NPAS3: variants seen among roughly 807,000 people sequenced by gnomAD.
NPAS3 encodes neuronal PAS domain-containing protein 3.
Under a neutral mutation model 73.1 loss-of-function variants are expected in NPAS3, and 14 were observed. The observed-to-expected ratio is 0.19, with a 90% CI of 0.13 to 0.30. The LOEUF is 0.30. Ranked by LOEUF, NPAS3 falls within the 10% of genes least tolerant of loss-of-function variation. The probability of loss-of-function intolerance (pLI) is 1.00; values close to 1 mark genes in which losing one functional copy is unlikely to be tolerated. For synonymous variants in NPAS3, 620 were observed against 541.5 expected, an observed-to-expected ratio of 1.14 and a Z score of -2.01; for missense variants, 1,096 against 1,250.0, an observed-to-expected ratio of 0.88 and a Z score of 1.86.
At chr14:33,215,042 C>T (rs1367672020) in intron 2 of NPAS3, 140 bp from the exon 3 acceptor site, 4 of 853,472 alleles carry the variant, frequency 4.7e-6, no homozygotes, top group African/African-American at 1.7e-5. Flanking sequence ...TTCTGGAACT[C>T]ATTTTACTGT....
chr14:33,690,871 T>TAAA (rs11361786), intron 6 of NPAS3, among the ~76,000 whole-genome samples: 1,488 of 142,168 alleles, frequency 0.01, 27 homozygotes, highest in African/African-American at 0.026. Context: ...TAAAATTTGT[T>TAAA]AAAAAAAAAA....
chr14:33,394,650 T>TAGCAGGA (rs1384409061), intron 4 of NPAS3, among the ~76,000 whole-genome samples: 1 of 152,192 alleles, frequency 6.6e-6, no homozygotes, highest in Admixed American at 6.6e-5. Flanking sequence ...TGTATCATTT[T>TAGCAGGA]TCCATATTTA....
chr14:33,522,683 G>A (rs1033741473), intron 4 of NPAS3, among the ~76,000 whole-genome samples: 17 of 152,034 alleles, frequency 1.1e-4, no homozygotes, highest in African/African-American at 3.9e-4. Context: ...CAAAAATAAT[G>A]AGAAAAATAA....
chr14:33,610,651 T>A (rs568017459), intron 5 of NPAS3, among the ~76,000 whole-genome samples: 1 of 152,248 alleles, frequency 6.6e-6, no homozygotes, highest in African/African-American at 2.4e-5. Flanking sequence ...AAAATAGCAA[T>A]GTAGCTTCAA....
exon 7 of NPAS3, chr14:33,735,227 C>T (rs1417255825): frequency 1.9e-6 from 3 of 1,612,994 alleles, no homozygotes; most frequent in Non-Finnish European, 2.5e-6. Flanking sequence ...AGTCAACCAG[C>T]CCCAGTCTGC....
intron 7 of NPAS3, among the ~76,000 whole-genome samples, chr14:33,739,050 T>C (rs999536377): frequency 2.0e-5 from 3 of 152,194 alleles, no homozygotes; most frequent in African/African-American, 7.2e-5. Flanking sequence ...TTCCGAAGTA[T>C]TTATCCACAC....
At chr14:33,480,315 A>C (rs553938964) in intron 4 of NPAS3, among the ~76,000 whole-genome samples, 1 of 152,210 alleles carries the variant, frequency 6.6e-6, no homozygotes, top group African/African-American at 2.4e-5. Context: ...ATATACAACT[A>C]TAACTACAGA....
At chr14:33,637,451 G>C (rs967691716) in intron 5 of NPAS3, among the ~76,000 whole-genome samples, 19 of 152,108 alleles carry the variant, frequency 1.2e-4, no homozygotes, top group African/African-American at 4.1e-4. Context: ...TGTTGAACAG[G>C]TGATCAGAAG....
chr14:33,459,204 C>G (rs1272829528), intron 4 of NPAS3, among the ~76,000 whole-genome samples: 1 of 152,188 alleles, frequency 6.6e-6, no homozygotes, highest in South Asian at 2.1e-4. Context: ...GGCTTCTTCA[C>G]TGACCTGTAT....
intron 5 of NPAS3, among the ~76,000 whole-genome samples, chr14:33,599,595 C>T (rs2057342606): frequency 6.6e-6 from 1 of 152,088 alleles, no homozygotes; most frequent in South Asian, 2.1e-4. Context: ...CTGCATAATT[C>T]CCTTCTACTG....
intron 3 of NPAS3, among the ~76,000 whole-genome samples, chr14:33,267,839 C>A (rs886805764): frequency 6.6e-6 from 1 of 152,094 alleles, no homozygotes; most frequent in South Asian, 2.1e-4. Context: ...GGAGTGCTAT[C>A]GGCACATATT....
intron 1 of NPAS3, among the ~76,000 whole-genome samples, chr14:33,020,097 T>C (rs975293561): frequency 6.6e-6 from 1 of 152,246 alleles, no homozygotes; most frequent in Non-Finnish European, 1.5e-5. Flanking sequence ...AAAATATTGA[T>C]GATTGGCAAT....
intron 3 of NPAS3, among the ~76,000 whole-genome samples, chr14:33,366,502 G>C (rs1236374513): frequency 1.3e-5 from 2 of 152,090 alleles, no homozygotes; most frequent in East Asian, 1.9e-4. Flanking sequence ...AGGAGTGTTC[G>C]GGAACTCCAG....
chr14:33,197,809 T>G (rs2046429497), intron 2 of NPAS3, among the ~76,000 whole-genome samples: 1 of 152,254 alleles, frequency 6.6e-6, no homozygotes, highest in South Asian at 2.1e-4. Flanking sequence ...TTATGTGTTC[T>G]CTTTGGAGCA....
chr14:33,406,084 C>A (rs971618689), intron 4 of NPAS3, among the ~76,000 whole-genome samples: 1 of 151,942 alleles, frequency 6.6e-6, no homozygotes, highest in African/African-American at 2.4e-5. Flanking sequence ...AAAAGCAAAT[C>A]ATCTCAAACT....
chr14:33,665,910 C>G (rs953626119), intron 5 of NPAS3, among the ~76,000 whole-genome samples: 16 of 151,822 alleles, frequency 1.1e-4, no homozygotes, highest in African/African-American at 3.9e-4. Context: ...GTAGCATATA[C>G]AGGAACAAAT....
chr14:33,436,982 A>G (rs1378774744), intron 4 of NPAS3, among the ~76,000 whole-genome samples: 2 of 152,050 alleles, frequency 1.3e-5, no homozygotes, highest in Non-Finnish European at 2.9e-5. Flanking sequence ...TACCCCTACA[A>G]TTTTGCTTAC....
chr14:33,537,382 A>G (rs1203524309), intron 4 of NPAS3, among the ~76,000 whole-genome samples: 1 of 152,210 alleles, frequency 6.6e-6, no homozygotes, highest in African/African-American at 2.4e-5. Context: ...TCAAACAGAA[A>G]AAATCTCCTA....
At chr14:33,801,733 TA>T (rs60180780), downstream of NPAS3, 18,360 of 149,840 alleles carry the variant, frequency 0.12, 1,335 homozygotes, top group Non-Finnish European at 0.17. Context: ...CTAGAATGTT[TA>T]AAAAAAAAAA....
Sources: allele counts gnomAD v4.1 joint callset (sites outside exome capture counted in the v4.1 genomes callset), GRCh38; gene constraint gnomAD v4.1.1; transcripts MANE v1.5; gene names NCBI Gene and HGNC (gene_info 2026-07-23, HGNC 2026-07-21).